NOTCH2NLC: variants seen among roughly 807,000 people sequenced by gnomAD.
NOTCH2NLC encodes the protein notch 2 N-terminal like C, also known as notch homolog 2 N-terminal-like protein C.
NOTCH2NLC carries 4 observed loss-of-function variants against 17.7 expected under a neutral mutation model. The observed-to-expected ratio is 0.23, with a 90% CI of 0.11 to 0.52. NOTCH2NLC has a LOEUF of 0.52. Ranked by LOEUF, NOTCH2NLC falls within the 20% of genes least tolerant of loss-of-function variation. The probability of loss-of-function intolerance (pLI) is 0.96; values close to 1 mark genes in which losing one functional copy is unlikely to be tolerated. For synonymous variants in NOTCH2NLC, 18 were observed against 86.0 expected (o/e 0.21, Z 4.38); for missense variants, 57 against 207.2 (o/e 0.28, Z 4.45).
At chr1:149,428,998 GA>G (rs2084428390) in intron 1 of NOTCH2NLC, among the ~76,000 whole-genome samples, 1 of 145,978 alleles carries the variant, frequency 6.9e-6, no homozygotes, top group South Asian at 2.2e-4. Flanking sequence ...CTTTGGTATG[GA>G]GGAAATAACC....
rs2084698815 is a variant in NOTCH2NLC, at chr1:149,468,485, CT to C, written c.*4334del. Reference sequence around the variant, plus strand: ...ACATCTGCATATCTCTAGCACAGCACTTACCACGGTGATTATTTATCTGTTC... The same window carrying C: ...ACATCTGCATATCTCTAGCACAGCACTACCACGGTGATTATTTATCTGTTC... On this transcript the variant is annotated 3_prime_UTR_variant, in exon 5 of 5. Coordinates refer to ENST00000650865, the MANE Select transcript of NOTCH2NLC (RefSeq NM_001364013.2). Among the ~76,000 whole-genome samples the C allele has an allele frequency of 6.7e-6, 1 of 149,902 alleles. No homozygotes were observed. Among genetic ancestry groups the C allele is most frequent in the Non-Finnish European group, 1.5e-5 (1 of 67,238 alleles).
At position 149,415,047 on chromosome 1, in the gene NOTCH2NLC, A is replaced by G. The variant is rs1464231039; in HGVS notation, c.136-15895A>G. On this transcript the variant is annotated intron_variant, in intron 1 of 4. Coordinates refer to ENST00000650865, the MANE Select transcript of NOTCH2NLC (RefSeq NM_001364013.2). ...TGGTATAAGTAAAAATCCTTGTTTG[A>G]AGTTATTAAGCCTTCCCACCCATAT... Among the ~76,000 whole-genome samples the G allele has an allele frequency of 4.6e-5, 5 of 107,964 alleles. No individual in the cohort carries two copies. In the East Asian group the frequency reaches 1.7e-3, roughly 36 times the overall value. The allele number at this position is 107,964 out of a possible 152,430, so 70.8% of individuals were successfully genotyped here. A position where few individuals can be genotyped will look rare whatever the true frequency, so the allele number is the denominator to read the frequency against.
intron 2 of NOTCH2NLC, among the ~76,000 whole-genome samples, chr1:149,442,025 C>T (rs2084522320): frequency 7.0e-6 from 1 of 143,646 alleles, no homozygotes; most frequent in Admixed American, 7.0e-5. Context: ...CTTCCCAGAC[C>T]GTTGTCTTAC....
chr1:149,420,051 T>C (rs1228296153), intron 1 of NOTCH2NLC, among the ~76,000 whole-genome samples: 1 of 147,518 alleles, frequency 6.8e-6, no homozygotes, highest in Non-Finnish European at 1.5e-5. Flanking sequence ...TTTGTACTTT[T>C]AGTAGAGATG....
rs1248811909 is a variant in NOTCH2NLC, at chr1:149,468,703, A to G, written c.*4550A>G. Among the ~76,000 whole-genome samples the G allele has an allele frequency of 4.2e-5, 6 of 143,240 alleles. No homozygotes were observed. Among genetic ancestry groups the G allele is most frequent in the Admixed American group, 3.6e-4 (5 of 13,882 alleles). 94.0% of individuals were successfully genotyped at this position (143,240 alleles called of 152,430 possible). On this transcript the variant is annotated 3_prime_UTR_variant, in exon 5 of 5. Coordinates refer to ENST00000650865, the MANE Select transcript of NOTCH2NLC (RefSeq NM_001364013.2). ...TTATTCTTTTTGAATCCTCCTATTTATTTCTGTGACTTCTTTGGTGACAAA... is the reference window on the plus strand; with the variant it reads ...TTATTCTTTTTGAATCCTCCTATTTGTTTCTGTGACTTCTTTGGTGACAAA...
At chr1:149,409,301 C>T (rs2084285596) in intron 1 of NOTCH2NLC, among the ~76,000 whole-genome samples, 1 of 149,498 alleles carries the variant, frequency 6.7e-6, no homozygotes, top group East Asian at 2.0e-4. Context: ...TTAAGTATCT[C>T]TGATTTAACT....
chr1:149,400,974 G>C (rs2084242502), intron 1 of NOTCH2NLC, among the ~76,000 whole-genome samples: 1 of 150,308 alleles, frequency 6.7e-6, no homozygotes, highest in Admixed American at 6.6e-5. Context: ...AAATTGATTA[G>C]TTGTAGGACA....
chr1:149,432,514 G>A (rs2084458706), intron 2 of NOTCH2NLC, among the ~76,000 whole-genome samples: 1 of 151,060 alleles, frequency 6.6e-6, no homozygotes, highest in African/African-American at 2.4e-5. Context: ...AGATACAACT[G>A]GAGATAATAA....
chr1:149,419,881 T>TTC (rs1250543021), intron 1 of NOTCH2NLC, among the ~76,000 whole-genome samples: 100 of 118,136 alleles, frequency 8.5e-4, no homozygotes, highest in Non-Finnish European at 1.3e-3. Flanking sequence ...TTTTTTTTTT[T>TTC]CCTCAGGCAG....
chr1:149,411,896 G>A (rs1288596971), intron 1 of NOTCH2NLC, among the ~76,000 whole-genome samples: 14 of 88,198 alleles, frequency 1.6e-4, no homozygotes, highest in South Asian at 4.6e-4. Flanking sequence ...CAGGAGGATC[G>A]CTTGACACCA....
rs1314186068 is a variant in NOTCH2NLC at position 149,390,695 on chromosome 1, G to A, written c.-93G>A. The A allele has an allele frequency of 4.9e-6, 6 of 1,237,110 alleles. No individual in the cohort carries two copies. The highest frequency in any genetic ancestry group is 6.1e-6 in the Non-Finnish European group (6 of 986,174). 76.6% of individuals were successfully genotyped at this position (1,237,110 alleles called of 1,614,324 possible). ...GGGCGCGGGGAGTCGAGGCATTTGC[G>A]CCTGTGCTTCGGACCGTAGCGCCAG... On this transcript the variant is annotated 5_prime_UTR_variant, in exon 1 of 5. Transcript: ENST00000650865.
At chr1:149,395,838 A>C (rs1367494183) in intron 1 of NOTCH2NLC, among the ~76,000 whole-genome samples, 1 of 147,502 alleles carries the variant, frequency 6.8e-6, no homozygotes, top group Admixed American at 6.7e-5. Context: ...GAACCAAGAG[A>C]GTCCCCTGAA....
At chr1:149,391,015 G>A in intron 1 of NOTCH2NLC, 93 bp downstream of exon 1, 9 of 1,035,838 alleles carry the variant, frequency 8.7e-6, no homozygotes, top group Non-Finnish European at 7.2e-6. Flanking sequence ...GTGTGGGAAG[G>A]CCAGGCTCGG....
Position 149,426,553 on chromosome 1 carries a change from T to C in NOTCH2NLC, c.136-4389T>C, listed in dbSNP as rs1162669980. Among the ~76,000 whole-genome samples, 14 of 140,998 alleles carry C rather than the reference T, an allele frequency of 9.9e-5. No homozygotes were observed. The East Asian group carries it at 3.3e-3, about 33-fold the overall frequency. 92.5% of individuals were successfully genotyped at this position (140,998 alleles called of 152,430 possible). A position where few individuals can be genotyped will look rare whatever the true frequency, so the allele number is the denominator to read the frequency against. Reference sequence around the variant, plus strand: ...TTGCCAAATGATGGAGTGATGAGATTGAAATCTACTACTTCTTTTTGCCTT... The same window carrying C: ...TTGCCAAATGATGGAGTGATGAGATCGAAATCTACTACTTCTTTTTGCCTT... On this transcript the variant is annotated intron_variant, in intron 1 of 4. Transcript: ENST00000650865.
In NOTCH2NLC at chr1:149,414,439, G is replaced by T. The variant is rs1368035369; in HGVS notation, c.136-16503G>T. On this transcript the variant is annotated intron_variant, in intron 1 of 4. Transcript: ENST00000650865. ...TATCCAGTTTCTTTGCATTTTTCTGGCATACTGTATACTCTTGAGCGCATA... is the reference window on the plus strand; with the variant it reads ...TATCCAGTTTCTTTGCATTTTTCTGTCATACTGTATACTCTTGAGCGCATA... Among the ~76,000 whole-genome samples, 3 of 149,850 alleles carry T rather than the reference G, an allele frequency of 2.0e-5. 1 individual carries two copies. The East Asian group carries it at 6.0e-4, about 30-fold the overall frequency.
intron 2 of NOTCH2NLC, among the ~76,000 whole-genome samples, chr1:149,449,093 G>A (rs1171565870): frequency 6.7e-6 from 1 of 149,442 alleles, no homozygotes; most frequent in East Asian, 2.0e-4. Context: ...GTGTTAGCCA[G>A]GATGGTCTCG....
In NOTCH2NLC at chr1:149,446,448, G is replaced by A. The variant is rs1417808136; in HGVS notation, c.210-8870G>A. Among the ~76,000 whole-genome samples, 145 of 139,510 alleles carry A rather than the reference G, an allele frequency of 1.0e-3. 3 individuals carry two copies. The East Asian group carries it at 0.021, about 20-fold the overall frequency. The allele number at this position is 139,510 out of a possible 152,430, so 91.5% of individuals were successfully genotyped here. A position where few individuals can be genotyped will look rare whatever the true frequency, so the allele number is the denominator to read the frequency against. The stretch of plus-strand genomic sequence containing the variant: ...TTTCTACATCCAACCCCATGCGTAT[G>A]TTTGAACAGTAACAATGGAAATGTG... On this transcript the variant is annotated intron_variant, in intron 2 of 4. Coordinates refer to ENST00000650865, the MANE Select transcript of NOTCH2NLC (RefSeq NM_001364013.2).
At chr1:149,426,550 G>GGAGT (rs2084413873) in intron 1 of NOTCH2NLC, among the ~76,000 whole-genome samples, 1 of 130,214 alleles carries the variant, frequency 7.7e-6, no homozygotes, top group African/African-American at 2.7e-5. Flanking sequence ...GGAGTGATGA[G>GGAGT]ATTGAAATCT....
At chr1:149,427,102 G>A (rs1272214331) in intron 1 of NOTCH2NLC, among the ~76,000 whole-genome samples, 1 of 151,338 alleles carries the variant, frequency 6.6e-6, no homozygotes, top group Non-Finnish European at 1.5e-5. Flanking sequence ...CAATTAAAAG[G>A]TAGTTAGTAT....
Sources: gnomAD v4.1 joint callset for allele counts (sites outside exome capture counted in the v4.1 genomes callset) on GRCh38, gnomAD v4.1.1 for gene constraint, MANE v1.5 for transcripts, NCBI Gene and HGNC (gene_info 2026-07-23, HGNC 2026-07-21) for gene names.